Variants in ATAD2B observed in about 807,000 individuals in gnomAD.
ATAD2B encodes ATPase family AAA domain containing 2B.
In ATAD2B, 40 loss-of-function variants were observed where a neutral mutation model predicts 167.6. The ratio of observed to expected loss-of-function variants is 0.24; its 90% confidence interval spans 0.19 to 0.31. The LOEUF is 0.31. Among genes scored for constraint, ATAD2B ranks in the 10% least tolerant of loss-of-function variants. The pLI is 1.00. For synonymous variants in ATAD2B, 579 were observed against 596.5 expected (o/e 0.97, Z 0.43); for missense variants, 1,242 against 1,757.2 (o/e 0.71, Z 5.24).
chr2:23,740,140 C>T, the ATAD2B span, among the ~76,000 whole-genome samples: 1 of 152,164 alleles, frequency 6.6e-6, no homozygotes, highest in African/African-American at 2.4e-5. Flanking sequence ...GAGCTGGTAC[C>T]AATCCTTCTG....
intron 2 of ATAD2B, among the ~76,000 whole-genome samples, chr2:23,893,544 T>C (rs757041916): frequency 6.4e-4 from 97 of 151,940 alleles, no homozygotes; most frequent in Admixed American, 1.2e-3. Flanking sequence ...AATTAAATTC[T>C]ATTGAATCTA....
In ATAD2B at chr2:23,844,308, G is replaced by GA. The variant is rs911795236; in HGVS notation, c.1569-10231dup. 3.8e-4 allele frequency among the ~76,000 whole-genome samples: 54 copies of GA among 140,602 alleles called. 1 individual carries two copies. Among genetic ancestry groups the GA allele is most frequent in the South Asian group, 1.6e-3 (7 of 4,432 alleles). 92.2% of individuals were successfully genotyped at this position (140,602 alleles called of 152,430 possible). ...AAGTTGATTAACTGTGTCTCAAAAG[G>GA]AAAAAAAAAAACACACAACAAAACC... is the stretch of plus-strand genomic sequence containing the variant. On this transcript the variant is annotated intron_variant, in intron 13 of 27. Transcript: ENST00000238789.
chr2:23,799,681 A>G (rs1683181909), intron 18 of ATAD2B: 1 of 151,968 alleles, frequency 6.6e-6, no homozygotes, highest in South Asian at 2.1e-4. Context: ...TAAGCTTACC[A>G]CTTGCATACA....
At chr2:23,813,650 T>C (rs1200739939) in intron 17 of ATAD2B, among the ~76,000 whole-genome samples, 2 of 150,078 alleles carry the variant, frequency 1.3e-5, no homozygotes, top group African/African-American at 4.9e-5. Flanking sequence ...GAGGCTGAGG[T>C]AGGAGGATCA....
intron 17 of ATAD2B, among the ~76,000 whole-genome samples, chr2:23,812,992 G>A (rs1685847181): frequency 6.6e-6 from 1 of 152,206 alleles, no homozygotes; most frequent in Admixed American, 6.5e-5. Flanking sequence ...AAGAAACCAG[G>A]GCTCGTGGAG....
intron 8 of ATAD2B, 51 bp from the exon 9 acceptor site, chr2:23,869,812 T>C: frequency 8.5e-7 from 1 of 1,182,296 alleles, no homozygotes; most frequent in Non-Finnish European, 1.2e-6. Context: ...CAAACAACTT[T>C]TTAAAACACA....
chr2:23,865,029 C>A, intron 10 of ATAD2B, 105 bp from the exon 11 acceptor site: 1 of 599,682 alleles, frequency 1.7e-6, no homozygotes. Flanking sequence ...ATGCCTTTAG[C>A]AGAAGCTTTT....
chr2:23,789,100 A>G (rs1237982484), intron 19 of ATAD2B, among the ~76,000 whole-genome samples: 23 of 152,040 alleles, frequency 1.5e-4, no homozygotes, highest in Admixed American at 1.5e-3. Flanking sequence ...TACCAAGTCT[A>G]TTTCACTGTA....
chr2:23,921,638 T>C (rs899188931), intron 1 of ATAD2B, among the ~76,000 whole-genome samples: 3 of 152,212 alleles, frequency 2.0e-5, no homozygotes, highest in Non-Finnish European at 2.9e-5. Context: ...TGCGTGTATA[T>C]CTGGACTACA....
chr2:23,702,744 TG>T, the ATAD2B span, among the ~76,000 whole-genome samples: 3 of 152,216 alleles, frequency 2.0e-5, no homozygotes, highest in African/African-American at 4.8e-5. Flanking sequence ...TTTATTTGGC[TG>T]CCTTCCCCAC....
At chr2:23,724,851 G>A in the ATAD2B span, among the ~76,000 whole-genome samples, 2 of 152,054 alleles carry the variant, frequency 1.3e-5, no homozygotes, top group Non-Finnish European at 2.9e-5. Context: ...AGACCATCCT[G>A]GCTAACACGG....
At chr2:23,803,649 GATA>G (rs1316368390) in intron 18 of ATAD2B, among the ~76,000 whole-genome samples, 8 of 152,140 alleles carry the variant, frequency 5.3e-5, no homozygotes, top group African/African-American at 1.9e-4. Context: ...CACTCCAATT[GATA>G]ATATTAATCA....
At chr2:23,775,110 A>G (rs1678882241) in intron 22 of ATAD2B, among the ~76,000 whole-genome samples, 1 of 152,190 alleles carries the variant, frequency 6.6e-6, no homozygotes, top group Non-Finnish European at 1.5e-5. Flanking sequence ...TATGAGATTC[A>G]GAGATGAAGG....
At chr2:23,880,545 G>C (rs1056429105) in intron 7 of ATAD2B, 94 bp downstream of exon 7, 1 of 701,198 alleles carries the variant, frequency 1.4e-6, no homozygotes, top group Non-Finnish European at 2.4e-6. Flanking sequence ...CCTGGGCGAT[G>C]GAGCGAGACT....
chr2:23,790,088 C>A (rs1171083144), intron 19 of ATAD2B, among the ~76,000 whole-genome samples: 1 of 152,142 alleles, frequency 6.6e-6, no homozygotes, highest in African/African-American at 2.4e-5. Flanking sequence ...TCCCTCCAAC[C>A]CTTTAATCAA....
intron 10 of ATAD2B, among the ~76,000 whole-genome samples, chr2:23,865,156 A>C (rs1694950103): frequency 6.6e-6 from 1 of 152,186 alleles, no homozygotes; most frequent in Admixed American, 6.5e-5. Flanking sequence ...AACCAGGATT[A>C]ATCCCCAACC....
chr2:23,864,889 A>G lies in ATAD2B; in HGVS notation c.1224T>C (p.His408=). 1 of 1,598,170 alleles carries G rather than the reference A, an allele frequency of 6.3e-7. No individual in the cohort carries two copies. The highest frequency in any genetic ancestry group is 1.1e-5 in the South Asian group (1 of 87,146). ...CTACCATTTCCTTTAGCGCATGAAT[A>G]TGATGGCTCAATCCACCTATGCTAT... ...RFDSIGGLSH[H]IHALKEMVVF... is the part of the protein sequence containing the mutation. Residue 408 remains histidine (H), a synonymous_variant, in exon 11 of 28, where the codon CAT becomes CAC. Transcript: ENST00000238789.
rs545377138 is a variant in ATAD2B at position 23,758,526 on chromosome 2, G to T, written c.3395-425C>A. On this transcript the variant is annotated intron_variant, in intron 24 of 27. Coordinates refer to ENST00000238789, the MANE Select transcript of ATAD2B (RefSeq NM_017552.4). The stretch of plus-strand genomic sequence containing the variant: ...GTGGATGTTTTACTAGCAAAAGGTA[G>T]CTCCTAAATCATGAAAGAAAATAAA... Among the ~76,000 whole-genome samples the T allele has an allele frequency of 2.0e-5, 3 of 152,276 alleles. No homozygotes were observed. In the East Asian group the frequency reaches 5.8e-4, roughly 29 times the overall value.
At chr2:23,825,337 G>C (rs1414032823) in intron 15 of ATAD2B, among the ~76,000 whole-genome samples, 1 of 151,874 alleles carries the variant, frequency 6.6e-6, no homozygotes, top group Admixed American at 6.6e-5. Context: ...TCAAAGTTAG[G>C]GAAAAACTTA....
Sources: allele counts gnomAD v4.1 joint callset (sites outside exome capture counted in the v4.1 genomes callset), GRCh38; gene constraint gnomAD v4.1.1; transcripts MANE v1.5; gene names NCBI Gene and HGNC (gene_info 2026-07-23, HGNC 2026-07-21).